The following STPG2 variants were observed in gnomAD, a reference collection of about 807,000 sequenced individuals.
STPG2 encodes the protein sperm tail PG-rich repeat containing 2, also known as sperm-tail PG-rich repeat-containing protein 2.
Under a neutral mutation model 54.2 loss-of-function variants are expected in STPG2, and 56 were observed. That is an observed-to-expected ratio of 1.03 (90% CI 0.83 to 1.29). The LOEUF (loss-of-function observed/expected upper bound fraction) is 1.29. Ranked by LOEUF, STPG2 falls within the 50% of genes most tolerant of loss-of-function variation. The pLI is 0.00. For synonymous variants in STPG2, 200 were observed against 181.8 expected, an observed-to-expected ratio of 1.10 and a Z score of -0.81; for missense variants, 596 against 544.9, an observed-to-expected ratio of 1.09 and a Z score of -0.93.
At chr4:98,064,370 G>C (rs1737758118) in intron 5 of STPG2, among the ~76,000 whole-genome samples, 1 of 152,144 alleles carries the variant, frequency 6.6e-6, no homozygotes, top group Non-Finnish European at 1.5e-5. Context: ...ACAGACTTCA[G>C]CTGCATAACA....
At chr4:97,657,426 G>A (rs1461492986) in intron 10 of STPG2, among the ~76,000 whole-genome samples, 1 of 152,084 alleles carries the variant, frequency 6.6e-6, no homozygotes, top group East Asian at 1.9e-4. Flanking sequence ...GAGTATAAGG[G>A]AATATCTATT....
At chr4:97,796,027 G>A (rs1014863146) in intron 9 of STPG2, among the ~76,000 whole-genome samples, 13 of 152,098 alleles carry the variant, frequency 8.5e-5, no homozygotes, top group African/African-American at 2.2e-4. Context: ...CATATCCTTC[G>A]TCCACTTTTA....
At position 97,631,780 on chromosome 4, in the gene STPG2, A is replaced by G. The variant is rs188128811; in HGVS notation, c.1321-72663T>C. 1.2e-3 allele frequency among the ~76,000 whole-genome samples: 190 copies of G among 152,254 alleles called. 4 individuals are homozygous for G. The East Asian group carries it at 0.013, about 10-fold the overall frequency. ...TGCTAGGTTGTTGAGTTGTCAGAATAAGATAAATGGAGCTGAGCAGTACCA... is the reference window on the plus strand; with the variant it reads ...TGCTAGGTTGTTGAGTTGTCAGAATGAGATAAATGGAGCTGAGCAGTACCA... On this transcript the variant is annotated intron_variant, in intron 10 of 10. Coordinates refer to ENST00000295268, the MANE Select transcript of STPG2 (RefSeq NM_174952.3).
At chr4:97,933,153 A>G (rs1476662911) in intron 8 of STPG2, among the ~76,000 whole-genome samples, 7 of 151,758 alleles carry the variant, frequency 4.6e-5, no homozygotes, top group Non-Finnish European at 1.0e-4. Flanking sequence ...TTTATTGGCC[A>G]TATAAATGTC....
intron 8 of STPG2, among the ~76,000 whole-genome samples, chr4:97,860,096 G>A (rs1363788695): frequency 6.6e-6 from 1 of 152,140 alleles, no homozygotes; most frequent in Non-Finnish European, 1.5e-5. Flanking sequence ...GTGCCAATTT[G>A]TACACCAGTA....
intron 8 of STPG2, among the ~76,000 whole-genome samples, chr4:97,934,820 G>C (rs1053204332): frequency 1.6e-4 from 24 of 151,814 alleles, no homozygotes; most frequent in Non-Finnish European, 2.9e-4. Context: ...AAGTTTTTTT[G>C]TTTTGTTTTG....
At chr4:97,966,339 G>A (rs34454698) in intron 7 of STPG2, among the ~76,000 whole-genome samples, 59,811 of 151,728 alleles carry the variant, frequency 0.39, 11,915 homozygotes, top group Middle Eastern at 0.46. Context: ...AGAGTAAAAG[G>A]AACCAACAAA....
chr4:97,951,377 G>A (rs923379314), intron 7 of STPG2, among the ~76,000 whole-genome samples: 4 of 152,168 alleles, frequency 2.6e-5, no homozygotes, highest in African/African-American at 9.7e-5. Flanking sequence ...TGACCTTTGG[G>A]TGTATTGCAG....
At chr4:97,829,816 A>C (rs1285333637) in intron 9 of STPG2, among the ~76,000 whole-genome samples, 1 of 152,162 alleles carries the variant, frequency 6.6e-6, no homozygotes, top group African/African-American at 2.4e-5. Context: ...CGAGAAGAGA[A>C]AATGAGAGAA....
intron 5 of STPG2, among the ~76,000 whole-genome samples, chr4:98,040,830 T>C (rs1422814278): frequency 6.6e-6 from 1 of 151,932 alleles, no homozygotes; most frequent in Non-Finnish European, 1.5e-5. Flanking sequence ...ATATGAGTTT[T>C]TAGAATTATT....
rs745439240 is a variant in STPG2 at position 98,134,389 on chromosome 4, T to G, written c.180A>C (p.Lys60Asn). The G allele has an allele frequency of 1.9e-6, 3 of 1,584,870 alleles. No individual in the cohort carries two copies. The highest frequency in any genetic ancestry group is 2.6e-6 in the Non-Finnish European group (3 of 1,163,026). The change falls in exon 2 of 11, where the codon AAA becomes AAC. Residue 60 changes from lysine to asparagine, a missense_variant. By Grantham distance (94) the Lys-to-Asn change is moderately conservative. Transcript: ENST00000295268. ...STFTIASSIE[K>N]AVPGPGHYNV... is the part of the protein sequence containing the mutation. ...TATAGTGTCCTGGACCTGGAACAGC[T>G]TTCTCAATGCTAGAGGCAATGGTAA... is the stretch of plus-strand genomic sequence containing the variant.
chr4:97,752,300 A>T (rs1232714612), intron 9 of STPG2, among the ~76,000 whole-genome samples: 1 of 151,778 alleles, frequency 6.6e-6, no homozygotes, highest in Non-Finnish European at 1.5e-5. Context: ...AAATGACTTT[A>T]TAATATTCTG....
chr4:97,724,466 A>G (rs1724556142), intron 9 of STPG2, among the ~76,000 whole-genome samples: 1 of 152,136 alleles, frequency 6.6e-6, no homozygotes, highest in Non-Finnish European at 1.5e-5. Flanking sequence ...AATCCTAGGA[A>G]CGTTATTTTT....
intron 9 of STPG2, among the ~76,000 whole-genome samples, chr4:97,782,745 G>A (rs1482550087): frequency 6.6e-6 from 1 of 152,064 alleles, no homozygotes. Flanking sequence ...TAGACCAATG[G>A]AACAGAAGAG....
chr4:98,082,814 T>A (rs1271619901), intron 5 of STPG2, among the ~76,000 whole-genome samples: 1 of 152,072 alleles, frequency 6.6e-6, no homozygotes, highest in Non-Finnish European at 1.5e-5. Context: ...ACTCTCTTGA[T>A]AAACTCTTCA....
chr4:98,130,361 A>G (rs1393821786), intron 2 of STPG2, among the ~76,000 whole-genome samples: 1 of 151,998 alleles, frequency 6.6e-6, no homozygotes, highest in East Asian at 1.9e-4. Context: ...GTTTTTTAGT[A>G]GAGACAGGGT....
intron 2 of STPG2, 82 bp from the exon 3 acceptor site, chr4:98,128,674 G>T: frequency 9.1e-7 from 1 of 1,100,692 alleles, no homozygotes; most frequent in Non-Finnish European, 1.3e-6. Context: ...GTTACTAAAA[G>T]GCAACTATTA....
intron 8 of STPG2, among the ~76,000 whole-genome samples, chr4:97,923,368 G>A (rs369936164): frequency 1.9e-4 from 28 of 144,236 alleles, no homozygotes; most frequent in African/African-American, 4.5e-4. Context: ...GCTCCAGGGC[G>A]CCCCGTCCCA....
chr4:98,046,161 T>C (rs1044481541), intron 5 of STPG2, among the ~76,000 whole-genome samples: 4 of 146,994 alleles, frequency 2.7e-5, no homozygotes, highest in Non-Finnish European at 6.0e-5. Flanking sequence ...CTCCACTGAA[T>C]TTTTCAGATC....
Sources: gnomAD v4.1 joint callset for allele counts (sites outside exome capture counted in the v4.1 genomes callset) on GRCh38, gnomAD v4.1.1 for gene constraint, MANE v1.5 for transcripts, NCBI Gene and HGNC (gene_info 2026-07-23, HGNC 2026-07-21) for gene names.